LRRC25: variants seen among roughly 807,000 people sequenced by gnomAD.
LRRC25 encodes the protein leucine-rich repeat-containing protein 25.
A neutral mutation model predicts 18.8 loss-of-function variants in LRRC25; 5 were observed. That is an observed-to-expected ratio of 0.27 (90% CI 0.14 to 0.56). LRRC25 has a LOEUF of 0.56. Among genes scored for constraint, LRRC25 ranks in the 20% least tolerant of loss-of-function variants. The pLI is 0.93. For synonymous variants in LRRC25, 161 were observed against 176.8 expected, an observed-to-expected ratio of 0.91 and a Z score of 0.71; for missense variants, 341 against 389.8, an observed-to-expected ratio of 0.87 and a Z score of 1.05.
At chr19:18,395,986 G>A (rs1276750615) in intron 1 of LRRC25, among the ~76,000 whole-genome samples, 199 bp downstream of exon 1, 1 of 152,178 alleles carries the variant, frequency 6.6e-6, no homozygotes, top group East Asian at 1.9e-4. Context: ...CTCCCAAAGT[G>A]CTAGGATTAC....
At chr19:18,395,399 G>T (rs1020354821) in intron 1 of LRRC25, among the ~76,000 whole-genome samples, 1 of 151,780 alleles carries the variant, frequency 6.6e-6, no homozygotes. Flanking sequence ...ATCATCTAGT[G>T]GTGATGGGAC....
intron 1 of LRRC25, among the ~76,000 whole-genome samples, chr19:18,392,509 G>A (rs908274717): frequency 6.6e-6 from 1 of 151,470 alleles, no homozygotes; most frequent in African/African-American, 2.4e-5. Context: ...AAAAAAAAAA[G>A]AAAGCTTCAG....
Position 18,396,416 on chromosome 19 carries a change from C to T in LRRC25, c.548G>A (p.Gly183Asp). 6.2e-7 allele frequency: 1 copy of T among 1,613,504 alleles called. No individual in the cohort carries two copies. The highest frequency in any genetic ancestry group is 8.5e-7 in the Non-Finnish European group (1 of 1,180,018). The change falls in exon 1 of 2, where the codon GGC becomes GAC. Residue 183 changes from glycine to aspartate, a missense_variant. Transcript: ENST00000339007. ...GCLLLGLAIA[G>D]PVLAWRLWRC... ...CCAGAGTCTCCAGGCCAGCACAGGGCCAGCGATGGCAAGTCCAAGAAGCAG... is the reference window on the plus strand; with the variant it reads ...CCAGAGTCTCCAGGCCAGCACAGGGTCAGCGATGGCAAGTCCAAGAAGCAG...
rs190504144 is a variant in LRRC25, at chr19:18,392,230, C to T, written c.780-105G>A. The T allele has an allele frequency of 3.0e-4, 361 of 1,209,604 alleles. 2 individuals are homozygous for T. The African/African-American group carries it at 4.7e-3, about 16-fold the overall frequency. 74.9% of individuals were successfully genotyped at this position (1,209,604 alleles called of 1,614,324 possible). On this transcript the variant is annotated intron_variant, in intron 1 of 1. Transcript: ENST00000339007. ...AGAGTGGGCCAGGTGCTCTGACTCACGCCTGTAATCCAGCACTTTGGGAGG... is the reference window on the plus strand; with the variant it reads ...AGAGTGGGCCAGGTGCTCTGACTCATGCCTGTAATCCAGCACTTTGGGAGG...
In LRRC25 at chr19:18,396,212, G is replaced by C. The variant is rs768001126; in HGVS notation, c.752C>G (p.Ala251Gly). The C allele has an allele frequency of 6.2e-6, 10 of 1,605,160 alleles. No homozygotes were observed. The East Asian group carries it at 2.2e-4, about 36-fold the overall frequency. ...TTGTTCATCCCACTGGTGCTCGGCTGCTGGCTGGCCCACAAACATGTTCTC... is the reference window on the plus strand; with the variant it reads ...TTGTTCATCCCACTGGTGCTCGGCTCCTGGCTGGCCCACAAACATGTTCTC... ...DYENMFVGQPAAEHQWDEQGA... is the reference protein window; with the variant it reads ...DYENMFVGQPGAEHQWDEQGA... The change falls in exon 1 of 2, where the codon GCA becomes GGA. Residue 251 changes from alanine (A) to glycine (G), a missense_variant. Physicochemically the swap from Ala to Gly is moderately conservative, Grantham distance 60. Coordinates refer to ENST00000339007, the MANE Select transcript of LRRC25 (RefSeq NM_145256.3).
At chr19:18,393,570 G>A (rs529305378) in intron 1 of LRRC25, among the ~76,000 whole-genome samples, 2 of 151,884 alleles carry the variant, frequency 1.3e-5, no homozygotes, top group Non-Finnish European at 2.9e-5. Flanking sequence ...GCAGTGAGCC[G>A]AGATCATGCC....
chr19:18,391,882 C>G lies in LRRC25; in HGVS notation c.*105G>C. ...GCCTCAAGGACAATCCTTTCCTGTA[C>G]CCATTCTTCAGATGGGGAAACTGAG... On this transcript the variant is annotated 3_prime_UTR_variant, in exon 2 of 2. Coordinates refer to ENST00000339007, the MANE Select transcript of LRRC25 (RefSeq NM_145256.3). 1 of 1,384,478 alleles carries G rather than the reference C, an allele frequency of 7.2e-7. No homozygotes were observed. The highest frequency in any genetic ancestry group is 2.5e-5 in the East Asian group (1 of 39,562). The allele number at this position is 1,384,478 out of a possible 1,614,324, so 85.8% of individuals were successfully genotyped here. A position where few individuals can be genotyped will look rare whatever the true frequency, so the allele number is the denominator to read the frequency against.
At chr19:18,392,574 G>A (rs569200525) in intron 1 of LRRC25, among the ~76,000 whole-genome samples, 3 of 152,276 alleles carry the variant, frequency 2.0e-5, no homozygotes, top group South Asian at 2.1e-4. Context: ...ACGGGCTAGC[G>A]TTCTGACTCC....
chr19:18,391,140 G>C lies in LRRC25; in HGVS notation c.*847C>G, dbSNP rs549858882. ...CTTGAAAGATTTTCTCAGAATATTA[G>C]AGCTAAAGGAATATATACATTTTTT... On this transcript the variant is annotated 3_prime_UTR_variant, in exon 2 of 2. Coordinates refer to ENST00000339007, the MANE Select transcript of LRRC25 (RefSeq NM_145256.3). 6.6e-5 allele frequency: 10 copies of C among 152,222 alleles called. No individual in the cohort carries two copies. Among genetic ancestry groups the C allele is most frequent in the Non-Finnish European group, 1.5e-4 (10 of 68,056 alleles). 9.4% of individuals were successfully genotyped at this position (152,222 alleles called of 1,614,324 possible). A position where few individuals can be genotyped will look rare whatever the true frequency, so the allele number is the denominator to read the frequency against.
chr19:18,396,265 C>T lies in LRRC25; in HGVS notation c.699G>A (p.Val233=). 6.2e-7 allele frequency: 1 copy of T among 1,613,520 alleles called. No homozygotes were observed. Among genetic ancestry groups the T allele is most frequent in the East Asian group, 2.2e-5 (1 of 44,886 alleles). ...SRSAPKPQVA[V]PSCPSTPDYE... ...AGTCGGGAGTGGAGGGGCAGGATGG[C>T]ACGGCCACTTGGGGCTTGGGGGCGC... The change falls in exon 1 of 2, where the codon GTG becomes GTA. Residue 233 remains valine, a synonymous_variant. Transcript: ENST00000339007.
Position 18,397,339 on chromosome 19 carries a change from C to G in LRRC25, c.-376G>C, listed in dbSNP as rs905688149. ...ATCACGCTCCCGGTATCTCCCAGAACGGCGGGTCGCTGGGAAGTCCTGGGA... is the reference window on the plus strand; with the variant it reads ...ATCACGCTCCCGGTATCTCCCAGAAGGGCGGGTCGCTGGGAAGTCCTGGGA... On this transcript the variant is annotated 5_prime_UTR_variant, in exon 1 of 2. Coordinates refer to ENST00000339007, the MANE Select transcript of LRRC25 (RefSeq NM_145256.3). The G allele has an allele frequency of 1.5e-5, 4 of 259,110 alleles. No individual in the cohort carries two copies. Among genetic ancestry groups the G allele is most frequent in the African/African-American group, 4.3e-5 (2 of 46,040 alleles). The allele number at this position is 259,110 out of a possible 1,614,324, so 16.1% of individuals were successfully genotyped here. A position where few individuals can be genotyped will look rare whatever the true frequency, so the allele number is the denominator to read the frequency against.
At chr19:18,392,969 G>T (rs1417106760) in intron 1 of LRRC25, among the ~76,000 whole-genome samples, 1 of 152,178 alleles carries the variant, frequency 6.6e-6, no homozygotes, top group East Asian at 1.9e-4. Flanking sequence ...CAGCCTGGAT[G>T]ACAGAGGGAG....
At position 18,396,995 on chromosome 19, in the gene LRRC25, T is replaced by C. The variant is rs1366569742; in HGVS notation, c.-32A>G. On this transcript the variant is annotated 5_prime_UTR_variant, in exon 1 of 2. Coordinates refer to ENST00000339007, the MANE Select transcript of LRRC25 (RefSeq NM_145256.3). The stretch of plus-strand genomic sequence containing the variant: ...AACCTACGTAGAGACACCGGAATCC[T>C]AGCCCTGACCTCAGCCCTGTGGTCG... The C allele has an allele frequency of 3.8e-6, 6 of 1,577,760 alleles. No homozygotes were observed. Among genetic ancestry groups the C allele is most frequent in the Non-Finnish European group, 4.3e-6 (5 of 1,162,906 alleles).
In LRRC25 at chr19:18,396,293, C is replaced by G; in HGVS notation, c.671G>C (p.Arg224Pro). The change falls in exon 1 of 2, where the codon CGG (arginine) becomes CCG (proline). Residue 224 changes from arginine (R) to proline (P), a missense_variant. Coordinates refer to ENST00000339007, the MANE Select transcript of LRRC25 (RefSeq NM_145256.3). ...GLGLQPRYGS[R>P]SAPKPQVAVP... The stretch of plus-strand genomic sequence containing the variant: ...GGCCACTTGGGGCTTGGGGGCGCTC[C>G]GGCTGCCGTACCGTGGCTGCAAGCC... The G allele has an allele frequency of 6.2e-7, 1 of 1,612,344 alleles. No individual in the cohort carries two copies. The highest frequency in any genetic ancestry group is 1.1e-5 in the South Asian group (1 of 91,056).
Position 18,391,896 on chromosome 19 carries a change from G to A in LRRC25, c.*91C>T. 1 of 1,455,600 alleles carries A rather than the reference G, an allele frequency of 6.9e-7. No individual in the cohort carries two copies. Among genetic ancestry groups the A allele is most frequent in the Non-Finnish European group, 9.4e-7 (1 of 1,067,900 alleles). 90.2% of individuals were successfully genotyped at this position (1,455,600 alleles called of 1,614,324 possible). A position where few individuals can be genotyped will look rare whatever the true frequency, so the allele number is the denominator to read the frequency against. ...CCTTTCCTGTACCCATTCTTCAGATGGGGAAACTGAGGCCATGGAGGCGTT... is the reference window on the plus strand; with the variant it reads ...CCTTTCCTGTACCCATTCTTCAGATAGGGAAACTGAGGCCATGGAGGCGTT... On this transcript the variant is annotated 3_prime_UTR_variant, in exon 2 of 2. Transcript: ENST00000339007.
In LRRC25 at chr19:18,397,374, G is replaced by C; in HGVS notation, c.-411C>G. On this transcript the variant is annotated 5_prime_UTR_variant, in exon 1 of 2. Transcript: ENST00000339007. ...CTGGGAAGTCCTGGGATAGGGTGGA[G>C]TGGGGGCTGCTGAAAGGGTCCTCCC... The C allele has an allele frequency of 1.3e-5, 3 of 226,446 alleles. No homozygotes were observed. In the South Asian group the frequency reaches 2.2e-4, roughly 17 times the overall value. The allele number at this position is 226,446 out of a possible 1,614,324, so 14.0% of individuals were successfully genotyped here.
rs537197967 is a variant in LRRC25, at chr19:18,396,731, A to G, written c.233T>C (p.Val78Ala). The change falls in exon 1 of 2, where the codon GTG becomes GCG. Residue 78 changes from valine (V) to alanine (A), a missense_variant. Coordinates refer to ENST00000339007, the MANE Select transcript of LRRC25 (RefSeq NM_145256.3). Reference protein sequence around the residue: ...LSGNGLRELPVTFFAHLQKLE... With the variant: ...LSGNGLRELPATFFAHLQKLE... ...CTTCTGCAGGTGGGCAAAGAAGGTC[A>G]CTGGAAGCTCTCGCAGGCCGTTCCC... 6.4e-4 allele frequency: 1,026 copies of G among 1,614,124 alleles called. 15 individuals carry two copies. In the South Asian group the frequency reaches 0.01, roughly 16 times the overall value.
chr19:18,396,186 C>T lies in LRRC25; in HGVS notation c.778G>A (p.Gly260Arg). 1 of 1,590,626 alleles carries T rather than the reference C, an allele frequency of 6.3e-7. No individual in the cohort carries two copies. Among genetic ancestry groups the T allele is most frequent in the Non-Finnish European group, 8.6e-7 (1 of 1,163,796 alleles). Residue 260 changes from glycine to arginine, a missense_variant and splice_region_variant, in exon 1 of 2, where the codon GGG becomes AGG. Physicochemically the swap from Gly to Arg is moderately radical, Grantham distance 125 (BLOSUM62 -2). Transcript: ENST00000339007. ...CAGGTGTCTCAGTGGCTTACTTACC[C>T]TTGTTCATCCCACTGGTGCTCGGCT... is the stretch of plus-strand genomic sequence containing the variant. Reference protein sequence around the residue: ...PAAEHQWDEQGAHPSEDNDFY... With the variant: ...PAAEHQWDEQRAHPSEDNDFY...
rs145536188 is a variant in LRRC25 at position 18,391,472 on chromosome 19, A to G, written c.*515T>C. Reference sequence around the variant, plus strand: ...AGAATCACTTGAACCCAGGAGGCGGAGGTTGCAGTGAGCTGAGACCGCAGC... The same window carrying G: ...AGAATCACTTGAACCCAGGAGGCGGGGGTTGCAGTGAGCTGAGACCGCAGC... On this transcript the variant is annotated 3_prime_UTR_variant, in exon 2 of 2. Transcript: ENST00000339007. 0.03 allele frequency: 4,625 copies of G among 153,250 alleles called. 134 individuals carry two copies. Among genetic ancestry groups the G allele is most frequent in the Non-Finnish European group, 0.045 (3,065 of 68,520 alleles). The allele number at this position is 153,250 out of a possible 1,614,324, so 9.5% of individuals were successfully genotyped here.
Sources: gnomAD v4.1 joint callset for allele counts (sites outside exome capture counted in the v4.1 genomes callset) on GRCh38, gnomAD v4.1.1 for gene constraint, MANE v1.5 for transcripts, NCBI Gene and HGNC (gene_info 2026-07-23, HGNC 2026-07-21) for gene names.